The following HEPHL1 variants were observed in gnomAD, a reference collection of about 807,000 sequenced individuals.
HEPHL1 encodes the protein ferroxidase HEPHL1.
HEPHL1 carries 123 observed loss-of-function variants against 122.0 expected under a neutral mutation model. That is an observed-to-expected ratio of 1.01 (90% CI 0.87 to 1.17). HEPHL1 has a LOEUF of 1.17. Among genes scored for constraint, HEPHL1 ranks in the 50% most tolerant of loss-of-function variants. The pLI is 0.00. For synonymous variants in HEPHL1, 527 were observed against 508.9 expected (o/e 1.04, Z -0.48); for missense variants, 1,452 against 1,430.5 (o/e 1.01, Z -0.24).
At chr11:94,031,916 G>A (rs1235815467) in intron 1 of HEPHL1, among the ~76,000 whole-genome samples, 1 of 152,236 alleles carries the variant, frequency 6.6e-6, no homozygotes, top group Non-Finnish European at 1.5e-5. Context: ...GTCTGGTGAT[G>A]GCCATTCTTA....
intron 12 of HEPHL1, among the ~76,000 whole-genome samples, chr11:94,089,635 A>C (rs1261613086): frequency 6.6e-6 from 1 of 152,092 alleles, no homozygotes; most frequent in Non-Finnish European, 1.5e-5. Context: ...AGGAACCAAG[A>C]TCCCTAGGGT....
At chr11:94,089,033 A>T in intron 12 of HEPHL1, 65 bp downstream of exon 12, 1 of 1,406,248 alleles carries the variant, frequency 7.1e-7, no homozygotes, top group South Asian at 1.2e-5. Flanking sequence ...GTCTTTAGTA[A>T]GTGTGGCTCC....
chr11:94,084,363 A>G (rs1002218098), intron 10 of HEPHL1, among the ~76,000 whole-genome samples: 1 of 148,912 alleles, frequency 6.7e-6, no homozygotes, highest in South Asian at 2.1e-4. Flanking sequence ...TAAATAAATA[A>G]ATAAATAAAT....
At chr11:94,068,497 T>C (rs1028350595) in intron 5 of HEPHL1, among the ~76,000 whole-genome samples, 1 of 152,164 alleles carries the variant, frequency 6.6e-6, no homozygotes, top group African/African-American at 2.4e-5. Context: ...GACCTGGTCC[T>C]GGTTTCTTCA....
rs767798318 is a variant in HEPHL1 at position 94,102,331 on chromosome 11, G to A, written c.2576-583G>A. ...GGATACTAAAGGTTAGTGACATTAG[G>A]TAGCTGGTCAAATGTGGGATAAATA... is the stretch of plus-strand genomic sequence containing the variant. On this transcript the variant is annotated intron_variant, in intron 14 of 19. Transcript: ENST00000315765. Among the ~76,000 whole-genome samples, 11 of 152,330 alleles carry A rather than the reference G, an allele frequency of 7.2e-5. 1 individual carries two copies. The highest frequency in any genetic ancestry group is 6.8e-3 in the Middle Eastern group (2 of 294).
rs374558812 is a variant in HEPHL1, at chr11:94,102,930, T to C, written c.2592T>C (p.Tyr864=). Residue 864 remains tyrosine, a synonymous_variant, in exon 15 of 20, where the codon TAT becomes TAC. Coordinates refer to ENST00000315765, the MANE Select transcript of HEPHL1 (RefSeq NM_001098672.2). ...PMTKPGEVKT[Y]RWNIPKRSGP... Reference sequence around the variant, plus strand: ...TTATTACAGGAGAAGTAAAAACTTATAGATGGAATATCCCTAAAAGATCCG... The same window carrying C: ...TTATTACAGGAGAAGTAAAAACTTACAGATGGAATATCCCTAAAAGATCCG... The C allele has an allele frequency of 1.4e-4, 221 of 1,585,286 alleles. No homozygotes were observed. The highest frequency in any genetic ancestry group is 2.0e-4 in the East Asian group (9 of 44,712).
intron 1 of HEPHL1, among the ~76,000 whole-genome samples, chr11:94,042,875 T>TAAAAAAAACAAAAAAAAAAAA (rs1555058719): frequency 1.6e-5 from 1 of 63,168 alleles, no homozygotes. Context: ...TAAAGTATAA[T>TAAAAAAAACAAAAAAAAAAAA]AAAAAAAAAA....
intron 13 of HEPHL1, among the ~76,000 whole-genome samples, chr11:94,096,403 T>G (rs1340947927): frequency 6.6e-6 from 1 of 152,242 alleles, no homozygotes; most frequent in African/African-American, 2.4e-5. Context: ...CTTTTTGATG[T>G]GCTGCTGGAT....
chr11:94,076,740 A>G (rs1419715521), intron 9 of HEPHL1, among the ~76,000 whole-genome samples: 1 of 152,210 alleles, frequency 6.6e-6, no homozygotes, highest in Non-Finnish European at 1.5e-5. Context: ...CAGGCCCTCT[A>G]TAAGCAAAAT....
chr11:94,085,386 A>T (rs377679499), intron 10 of HEPHL1, among the ~76,000 whole-genome samples: 1 of 152,196 alleles, frequency 6.6e-6, no homozygotes, highest in Non-Finnish European at 1.5e-5. Flanking sequence ...TCATAAAGCA[A>T]ATTTATTTAC....
chr11:94,088,949 G>A lies in HEPHL1; in HGVS notation c.2275G>A (p.Val759Met), dbSNP rs1465836248. 5.0e-6 allele frequency: 8 copies of A among 1,613,988 alleles called. No individual in the cohort carries two copies. The highest frequency in any genetic ancestry group is 1.3e-5 in the African/African-American group (1 of 75,056). ...NKNWEFEKQHVDARGERHGDI... is the reference protein window; with the variant it reads ...NKNWEFEKQHMDARGERHGDI... Reference sequence around the variant, plus strand: ...AAACTGGGAGTTCGAAAAGCAGCACGTGGACGCAAGAGGGGAAAGGTACCA... The same window carrying A: ...AAACTGGGAGTTCGAAAAGCAGCACATGGACGCAAGAGGGGAAAGGTACCA... The change falls in exon 12 of 20, where the codon GTG (valine) becomes ATG (methionine). Residue 759 changes from valine to methionine, a missense_variant. Coordinates refer to ENST00000315765, the MANE Select transcript of HEPHL1 (RefSeq NM_001098672.2).
intron 1 of HEPHL1, among the ~76,000 whole-genome samples, chr11:94,034,994 T>C (rs1408234345): frequency 1.3e-5 from 2 of 152,198 alleles, no homozygotes; most frequent in African/African-American, 4.8e-5. Flanking sequence ...TCTGGTCAAA[T>C]ACATCTGTTT....
At chr11:94,109,380 G>T (rs1946431352) in intron 17 of HEPHL1, among the ~76,000 whole-genome samples, 1 of 152,098 alleles carries the variant, frequency 6.6e-6, no homozygotes, top group South Asian at 2.1e-4. Flanking sequence ...AGGACCTGTA[G>T]TGCAATTTTG....
At chr11:94,080,981 T>C (rs2134438494) in intron 9 of HEPHL1, among the ~76,000 whole-genome samples, 1 of 152,268 alleles carries the variant, frequency 6.6e-6, no homozygotes, top group Non-Finnish European at 1.5e-5. Flanking sequence ...ATCACAAAGA[T>C]ACATGCATGT....
In HEPHL1 at chr11:94,030,395, C is replaced by T. The variant is rs181712588; in HGVS notation, c.170+8857C>T. Among the ~76,000 whole-genome samples, 61 of 152,272 alleles carry T rather than the reference C, an allele frequency of 4.0e-4. No homozygotes were observed. The South Asian group carries it at 5.8e-3, about 14-fold the overall frequency. ...CCTGAAAAACAGAAGTGGTTTAAAT[C>T]GATTAAAGATTTATTATTATTGCTT... On this transcript the variant is annotated intron_variant, in intron 1 of 19. Coordinates refer to ENST00000315765, the MANE Select transcript of HEPHL1 (RefSeq NM_001098672.2).
At chr11:94,096,372 C>T (rs927477693) in intron 13 of HEPHL1, among the ~76,000 whole-genome samples, 6 of 152,090 alleles carry the variant, frequency 3.9e-5, no homozygotes, top group Admixed American at 3.3e-4. Context: ...GGATGAAGCC[C>T]ACTTGATCAT....
At chr11:94,067,473 C>G in intron 4 of HEPHL1, 23 bp from the exon 5 acceptor site, 1 of 1,609,190 alleles carries the variant, frequency 6.2e-7, no homozygotes, top group Non-Finnish European at 8.5e-7. Flanking sequence ...GAGTCTCTTC[C>G]ACTAGCGTGT....
chr11:94,033,088 C>CTGCG (rs1445069429), intron 1 of HEPHL1, among the ~76,000 whole-genome samples: 1 of 152,204 alleles, frequency 6.6e-6, no homozygotes, highest in East Asian at 1.9e-4. Context: ...AAAGGTCAAA[C>CTGCG]TGCGCACTTG....
chr11:94,027,785 A>T (rs1030421257), intron 1 of HEPHL1, among the ~76,000 whole-genome samples: 2 of 152,224 alleles, frequency 1.3e-5, no homozygotes, highest in Non-Finnish European at 2.9e-5. Context: ...GGAAATGAAG[A>T]GTGAAAAGGA....
Sources: gnomAD v4.1 joint callset for allele counts (sites outside exome capture counted in the v4.1 genomes callset) on GRCh38, gnomAD v4.1.1 for gene constraint, MANE v1.5 for transcripts, NCBI Gene and HGNC (gene_info 2026-07-23, HGNC 2026-07-21) for gene names.